Variants in SPAG16 observed in about 807,000 individuals in gnomAD.
The protein encoded by SPAG16 is sperm-associated antigen 16 protein.
A neutral mutation model predicts 80.4 loss-of-function variants in SPAG16; 86 were observed. The ratio of observed to expected loss-of-function variants is 1.07; its 90% CI spans 0.90 to 1.28. SPAG16 has a LOEUF of 1.28. Ranked by LOEUF, SPAG16 falls within the 50% of genes most tolerant of loss-of-function variation. SPAG16 has a pLI of 0.00. For synonymous variants in SPAG16, 294 were observed against 265.9 expected (o/e 1.11, Z -1.03); for missense variants, 870 against 765.3 (o/e 1.14, Z -1.61).
Position 213,575,395 on chromosome 2 carries a change from A to G in SPAG16, c.1070+85305A>G. ...TAACCTTAAAAGCAATAATAAAATT[A>G]AAGGGTATTTATTGATTTCATTTAC... On this transcript the variant is annotated intron_variant, in intron 10 of 15. Transcript: ENST00000331683. 1.3e-5 allele frequency among the ~76,000 whole-genome samples: 2 copies of G among 152,288 alleles called. 1 individual carries two copies. Among genetic ancestry groups the G allele is most frequent in the South Asian group, 4.1e-4 (2 of 4,830 alleles).
chr2:214,066,430 A>G (rs565548005), intron 13 of SPAG16, among the ~76,000 whole-genome samples: 11 of 152,222 alleles, frequency 7.2e-5, no homozygotes, highest in Middle Eastern at 6.8e-3. Flanking sequence ...AGTCTCCCCT[A>G]TTTTACTCCT....
intron 1 of SPAG16, among the ~76,000 whole-genome samples, chr2:213,292,220 G>A (rs563708105): frequency 6.6e-6 from 1 of 152,256 alleles, no homozygotes; most frequent in South Asian, 2.1e-4. Context: ...TGTGAACATG[G>A]TGAAGGATGG....
At chr2:214,202,603 T>C (rs2058040330) in intron 15 of SPAG16, among the ~76,000 whole-genome samples, 1 of 151,872 alleles carries the variant, frequency 6.6e-6, no homozygotes. Context: ...TCCATAGAGG[T>C]AGGGAGTAGG....
At chr2:213,462,780 TTA>T (rs1416031336) in intron 9 of SPAG16, among the ~76,000 whole-genome samples, 1 of 152,168 alleles carries the variant, frequency 6.6e-6, no homozygotes, top group African/African-American at 2.4e-5. Context: ...CCTCTTTCCT[TTA>T]TAAATAACCC....
intron 13 of SPAG16, among the ~76,000 whole-genome samples, chr2:214,019,217 C>T (rs895529782): frequency 6.6e-6 from 1 of 151,932 alleles, no homozygotes; most frequent in Non-Finnish European, 1.5e-5. Context: ...ATTTGGAAGC[C>T]TGTTTAAAAT....
intron 15 of SPAG16, among the ~76,000 whole-genome samples, chr2:214,252,650 A>G (rs1483272443): frequency 6.6e-6 from 1 of 152,178 alleles, no homozygotes; most frequent in Non-Finnish European, 1.5e-5. Context: ...GCTGCATAGT[A>G]TTCCATGGTG....
At chr2:214,327,619 G>A (rs905059810) in intron 15 of SPAG16, among the ~76,000 whole-genome samples, 1 of 152,038 alleles carries the variant, frequency 6.6e-6, no homozygotes, top group Admixed American at 6.6e-5. Context: ...CAGGGCAATA[G>A]TATACTTTTT....
chr2:214,122,849 AAAC>A (rs1328861829), intron 14 of SPAG16, among the ~76,000 whole-genome samples: 1 of 151,984 alleles, frequency 6.6e-6, no homozygotes, highest in African/African-American at 2.4e-5. Flanking sequence ...AGGAAATTGG[AAAC>A]AACAATAGAA....
At chr2:213,513,561 G>A (rs6709713) in intron 10 of SPAG16, among the ~76,000 whole-genome samples, 13,177 of 152,084 alleles carry the variant, frequency 0.087, 1,431 homozygotes, top group African/African-American at 0.25. Flanking sequence ...TAATACTGGT[G>A]TCTTCGACAC....
intron 15 of SPAG16, among the ~76,000 whole-genome samples, chr2:214,233,816 T>G (rs1194575610): frequency 2.0e-5 from 3 of 152,164 alleles, no homozygotes; most frequent in African/African-American, 7.2e-5. Flanking sequence ...GAGGTATAAT[T>G]ACCAGTAAGC....
intron 9 of SPAG16, among the ~76,000 whole-genome samples, chr2:213,407,414 C>T (rs1025023061): frequency 3.3e-5 from 5 of 151,628 alleles, no homozygotes; most frequent in African/African-American, 9.7e-5. Context: ...CCCTGGTTTA[C>T]GGGGTTGAGC....
intron 13 of SPAG16, among the ~76,000 whole-genome samples, chr2:214,027,614 T>C (rs1279420498): frequency 2.0e-5 from 3 of 151,978 alleles, no homozygotes; most frequent in Non-Finnish European, 4.4e-5. Context: ...CAGCAATCCA[T>C]CTGTGTCCAC....
At chr2:213,390,448 A>C (rs2067681587) in intron 9 of SPAG16, among the ~76,000 whole-genome samples, 1 of 152,210 alleles carries the variant, frequency 6.6e-6, no homozygotes, top group African/African-American at 2.4e-5. Flanking sequence ...TCATTTCCAT[A>C]TGGCTAGGAA....
intron 15 of SPAG16, among the ~76,000 whole-genome samples, chr2:214,360,870 T>C (rs902558780): frequency 2.6e-5 from 4 of 151,750 alleles, no homozygotes; most frequent in African/African-American, 9.7e-5. Flanking sequence ...ATACCCTCTT[T>C]CTGGGGAAGA....
At chr2:213,337,331 A>G (rs114806342) in intron 5 of SPAG16, among the ~76,000 whole-genome samples, 3,785 of 152,330 alleles carry the variant, frequency 0.025, 66 homozygotes, top group Middle Eastern at 0.075. Context: ...AATGATTGCA[A>G]CATGTCTCCA....
intron 13 of SPAG16, among the ~76,000 whole-genome samples, chr2:214,087,621 T>C (rs1437399317): frequency 6.6e-5 from 10 of 152,086 alleles, no homozygotes. Flanking sequence ...GTGATTATTC[T>C]TAAGTACCAA....
rs145999155 is a variant in SPAG16 at position 214,035,450 on chromosome 2, C to A, written c.1527+21373C>A. On this transcript the variant is annotated intron_variant, in intron 13 of 15. Coordinates refer to ENST00000331683, the MANE Select transcript of SPAG16 (RefSeq NM_024532.5). ...GCCAATGCCAAGCTGCCCTCAGCAG[C>A]CCCTCAACCCCCCTCACATACTTGT... Among the ~76,000 whole-genome samples the A allele has an allele frequency of 2.3e-3, 345 of 152,320 alleles. 1 individual carries two copies. Among genetic ancestry groups the A allele is most frequent in the African/African-American group, 8.0e-3 (334 of 41,576 alleles).
intron 15 of SPAG16, among the ~76,000 whole-genome samples, chr2:214,386,024 T>C (rs1039858882): frequency 4.6e-5 from 7 of 152,136 alleles, no homozygotes; most frequent in Non-Finnish European, 8.8e-5. Context: ...ATATTCCAAT[T>C]TGGCTCTCAC....
intron 10 of SPAG16, among the ~76,000 whole-genome samples, chr2:213,709,366 G>A (rs1012472558): frequency 6.6e-6 from 1 of 152,094 alleles, no homozygotes; most frequent in East Asian, 1.9e-4. Flanking sequence ...CATTCCCTTC[G>A]AGATTTGGGG....
Sources: allele counts gnomAD v4.1 joint callset (sites outside exome capture counted in the v4.1 genomes callset), GRCh38; gene constraint gnomAD v4.1.1; transcripts MANE v1.5; gene names NCBI Gene and HGNC (gene_info 2026-07-23, HGNC 2026-07-21).